Variants in GLIS3 observed in about 807,000 individuals in gnomAD.
GLIS3 encodes the protein zinc finger protein GLIS3.
In GLIS3, 53 loss-of-function variants were observed where a neutral mutation model predicts 78.6. That is an observed-to-expected ratio of 0.67 (90% CI 0.54 to 0.85). The LOEUF (loss-of-function observed/expected upper bound fraction) is 0.85, where lower values mean the gene tolerates loss of function less well. Among genes scored for constraint, GLIS3 ranks in the 40% least tolerant of loss-of-function variants. The pLI, the probability that GLIS3 is intolerant of heterozygous loss-of-function variation, is 0.00. For missense variants in GLIS3, 1,703 were observed against 1,231.1 expected (o/e 1.38, Z -5.74); for synonymous variants, 684 against 509.9 (o/e 1.34, Z -4.60).
the GLIS3 span, among the ~76,000 whole-genome samples, chr9:4,452,771 TC>T: frequency 2.0e-5 from 3 of 152,102 alleles, no homozygotes; most frequent in Non-Finnish European, 4.4e-5. Flanking sequence ...TTCAATGCTA[TC>T]CCCATCAAGC....
chr9:3,915,457 A>C (rs1001927551), intron 6 of GLIS3, among the ~76,000 whole-genome samples: 1 of 152,172 alleles, frequency 6.6e-6, no homozygotes, highest in Non-Finnish European at 1.5e-5. Context: ...GGGAGAAACA[A>C]GACCGGGTCA....
At chr9:4,084,266 C>T (rs192055528) in intron 4 of GLIS3, among the ~76,000 whole-genome samples, 5 of 131,136 alleles carry the variant, frequency 3.8e-5, no homozygotes, top group Admixed American at 8.1e-5. Context: ...AACACACACA[C>T]ACACACACAC....
At chr9:4,098,432 C>T (rs1409121243) in intron 4 of GLIS3, among the ~76,000 whole-genome samples, 1 of 152,140 alleles carries the variant, frequency 6.6e-6, no homozygotes, top group Non-Finnish European at 1.5e-5. Flanking sequence ...GATCGATACA[C>T]GGTGTAACAG....
At chr9:4,333,999 T>A (rs1817719971) in intron 2 of GLIS3, among the ~76,000 whole-genome samples, 1 of 152,162 alleles carries the variant, frequency 6.6e-6, no homozygotes, top group African/African-American at 2.4e-5. Flanking sequence ...GGGTTCCTGT[T>A]AGGAGCTTAA....
chr9:3,858,404 C>G (rs186775903), intron 8 of GLIS3, among the ~76,000 whole-genome samples: 4 of 152,042 alleles, frequency 2.6e-5, no homozygotes, highest in Non-Finnish European at 5.9e-5. Context: ...CAAATATTAC[C>G]CAGTATAATA....
At chr9:4,227,625 A>C (rs527265902) in intron 2 of GLIS3, among the ~76,000 whole-genome samples, 2 of 152,288 alleles carry the variant, frequency 1.3e-5, no homozygotes, top group African/African-American at 4.8e-5. Flanking sequence ...GGAACTCTGG[A>C]ATGTATAAAG....
chr9:4,161,055 G>A (rs1456134756), intron 2 of GLIS3, among the ~76,000 whole-genome samples: 1 of 145,072 alleles, frequency 6.9e-6, no homozygotes, highest in Non-Finnish European at 1.5e-5. Flanking sequence ...ATCAGCCTGG[G>A]AAATGTAGTG....
At chr9:4,313,669 C>A (rs138178987) in intron 2 of GLIS3, among the ~76,000 whole-genome samples, 1 of 152,308 alleles carries the variant, frequency 6.6e-6, no homozygotes, top group Non-Finnish European at 1.5e-5. Flanking sequence ...TTACTAGAGT[C>A]TCCAAACACA....
chr9:3,898,242 A>G, intron 7 of GLIS3: 1 of 245,038 alleles, frequency 4.1e-6, no homozygotes, highest in Non-Finnish European at 8.1e-6. Flanking sequence ...GCAAACATGA[A>G]TGAACATTCT....
intron 5 of GLIS3, chr9:3,932,925 C>A: frequency 6.5e-6 from 2 of 308,242 alleles, no homozygotes; most frequent in Non-Finnish European, 1.3e-5. Context: ...AAACCTGATT[C>A]AGAAAGAGAA....
At chr9:3,915,339 A>C (rs1302268308) in intron 6 of GLIS3, among the ~76,000 whole-genome samples, 2 of 152,130 alleles carry the variant, frequency 1.3e-5, no homozygotes, top group African/African-American at 4.8e-5. Context: ...AATCTAAGGA[A>C]AGTGTTGCAA....
intron 2 of GLIS3, among the ~76,000 whole-genome samples, chr9:4,271,494 C>A (rs1173415882): frequency 6.6e-6 from 1 of 152,060 alleles, no homozygotes; most frequent in Non-Finnish European, 1.5e-5. Flanking sequence ...AAGTTATCTC[C>A]AGGGAGAAGA....
intron 8 of GLIS3, among the ~76,000 whole-genome samples, chr9:3,856,678 A>G (rs10814699): frequency 0.2 from 31,021 of 152,186 alleles, 3,697 homozygotes; most frequent in East Asian, 0.52. Context: ...CTCTAATCCT[A>G]TTCTCTTTGA....
At chr9:4,149,752 G>A (rs568567513) in intron 2 of GLIS3, among the ~76,000 whole-genome samples, 2 of 152,236 alleles carry the variant, frequency 1.3e-5, no homozygotes, top group East Asian at 3.9e-4. Flanking sequence ...AAAACTGCAT[G>A]GTAGGAGCAG....
chr9:4,190,952 G>C (rs1394447115), intron 2 of GLIS3, among the ~76,000 whole-genome samples: 1 of 151,980 alleles, frequency 6.6e-6, no homozygotes, highest in Non-Finnish European at 1.5e-5. Flanking sequence ...AAGTGAAGGA[G>C]AAATAAAATA....
chr9:4,203,930 G>A (rs1241167532), intron 2 of GLIS3, among the ~76,000 whole-genome samples: 1 of 152,142 alleles, frequency 6.6e-6, no homozygotes, highest in African/African-American at 2.4e-5. Flanking sequence ...CATTAAGATG[G>A]CTACAATAGA....
intron 2 of GLIS3, among the ~76,000 whole-genome samples, chr9:4,319,961 T>C (rs1817497622): frequency 6.6e-6 from 1 of 151,708 alleles, no homozygotes; most frequent in Middle Eastern, 3.2e-3. Context: ...AATTGGTCCT[T>C]ACAGTAGGTT....
intron 4 of GLIS3, among the ~76,000 whole-genome samples, chr9:3,964,421 C>T (rs915876767): frequency 6.6e-6 from 1 of 152,156 alleles, no homozygotes; most frequent in Admixed American, 6.5e-5. Context: ...GACGTTACCC[C>T]CCCAAAAAGG....
At chr9:4,320,467 T>TTAGAGAAAGG (rs1339590851) in intron 2 of GLIS3, among the ~76,000 whole-genome samples, 1 of 152,218 alleles carries the variant, frequency 6.6e-6, no homozygotes, top group Non-Finnish European at 1.5e-5. Context: ...CTTAGGGATT[T>TTAGAGAAAGG]ATCCTTCACA....
Sources: gnomAD v4.1 joint callset for allele counts (sites outside exome capture counted in the v4.1 genomes callset) on GRCh38, gnomAD v4.1.1 for gene constraint, MANE v1.5 for transcripts, NCBI Gene and HGNC (gene_info 2026-07-23, HGNC 2026-07-21) for gene names.